Variants in SNX8 observed in about 807,000 individuals in gnomAD.
SNX8 encodes sorting nexin-8.
A neutral mutation model predicts 51.6 loss-of-function variants in SNX8; 25 were observed. That is an observed-to-expected ratio of 0.48 (90% CI 0.35 to 0.68). SNX8 has a LOEUF of 0.68. Ranked by LOEUF, SNX8 falls within the 30% of genes least tolerant of loss-of-function variation. The probability of loss-of-function intolerance (pLI) is 0.00; values close to 1 mark genes in which losing one functional copy is unlikely to be tolerated. For missense variants in SNX8, 695 were observed against 624.0 expected, an observed-to-expected ratio of 1.11 and a Z score of -1.21; for synonymous variants, 324 against 277.0, an observed-to-expected ratio of 1.17 and a Z score of -1.68.
At chr7:2,334,924 C>T (rs1027438375) in intron 1 of SNX8, among the ~76,000 whole-genome samples, 1 of 135,424 alleles carries the variant, frequency 7.4e-6, no homozygotes, top group Non-Finnish European at 1.6e-5. Context: ...TACACAGCAA[C>T]TTCATTTACA....
At chr7:2,337,926 C>T (rs1037770718) in intron 1 of SNX8, among the ~76,000 whole-genome samples, 2 of 151,002 alleles carry the variant, frequency 1.3e-5, no homozygotes, top group Non-Finnish European at 2.9e-5. Flanking sequence ...AAAATTATTC[C>T]CTTTAAAATC....
At chr7:2,342,290 C>A (rs947525054) in intron 1 of SNX8, among the ~76,000 whole-genome samples, 1 of 152,038 alleles carries the variant, frequency 6.6e-6, no homozygotes, top group African/African-American at 2.4e-5. Context: ...GTTCAACACG[C>A]AAGATGGATA....
chr7:2,288,056 G>A (rs1389663897), intron 1 of SNX8: 2 of 152,184 alleles, frequency 1.3e-5, no homozygotes, highest in African/African-American at 4.8e-5. Flanking sequence ...CAATATTCAG[G>A]TACTGGCTGG....
chr7:2,257,702 T>A, intron 8 of SNX8, 33 bp downstream of exon 8: 1 of 1,607,868 alleles, frequency 6.2e-7, no homozygotes, highest in South Asian at 1.1e-5. Flanking sequence ...TCCTGAAAGT[T>A]CTGCCCCCAG....
chr7:2,266,833 TAA>T (rs1795475335), intron 5 of SNX8, among the ~76,000 whole-genome samples: 1 of 152,108 alleles, frequency 6.6e-6, no homozygotes, highest in African/African-American at 2.4e-5. Context: ...AGAAGAGGTT[TAA>T]AAAGAAAAAA....
At chr7:2,321,645 A>C (rs547961519) in intron 1 of SNX8, among the ~76,000 whole-genome samples, 13 of 141,516 alleles carry the variant, frequency 9.2e-5, no homozygotes, top group Admixed American at 3.7e-4. Context: ...CGATCTCCTT[A>C]CCTTGTGATC....
Position 2,305,953 on chromosome 7 carries a change from G to A in SNX8, c.94+8375C>T, listed in dbSNP as rs190476568. ...ATAAAGACAGCGGCACCCTGGAAAC[G>A]CTCCTTCTGGTTGCATCCCTGACAG... On this transcript the variant is annotated intron_variant, in intron 1 of 10. Coordinates refer to ENST00000222990, the MANE Select transcript of SNX8 (RefSeq NM_013321.4). Among the ~76,000 whole-genome samples the A allele has an allele frequency of 7.9e-5, 12 of 152,136 alleles. No individual in the cohort carries two copies. In the East Asian group the frequency reaches 1.7e-3, roughly 22 times the overall value.
intron 1 of SNX8, among the ~76,000 whole-genome samples, chr7:2,340,072 T>A (rs1178302798): frequency 6.6e-6 from 1 of 152,000 alleles, no homozygotes; most frequent in Non-Finnish European, 1.5e-5. Flanking sequence ...AAACTTTTTT[T>A]TTTTTTTTGA....
Position 2,278,076 on chromosome 7 carries a change from A to T in SNX8, c.300+24T>A, listed in dbSNP as rs548127969. 10 of 1,603,774 alleles carry T rather than the reference A, an allele frequency of 6.2e-6. No homozygotes were observed. The South Asian group carries it at 1.1e-4, about 18-fold the overall frequency. On this transcript the variant is annotated intron_variant, in intron 2 of 10. Transcript: ENST00000222990. ...ACCCTTTCTTCCCCCTCCTGCCCCG[A>T]CACACACACAATTTGCCAGTTACCT...
intron 1 of SNX8, among the ~76,000 whole-genome samples, chr7:2,320,681 C>T (rs1014048770): frequency 6.6e-6 from 1 of 151,960 alleles, no homozygotes. Flanking sequence ...CCATGATTGC[C>T]CTGCTCCACT....
At chr7:2,261,069 G>GTCC (rs1172913305) in intron 7 of SNX8, among the ~76,000 whole-genome samples, 2 of 152,232 alleles carry the variant, frequency 1.3e-5, no homozygotes, top group Non-Finnish European at 2.9e-5. Flanking sequence ...AAGGTTCTGG[G>GTCC]TCCCTGTGAC....
intron 1 of SNX8, among the ~76,000 whole-genome samples, chr7:2,342,954 G>A (rs920589083): frequency 3.3e-5 from 5 of 151,716 alleles, no homozygotes; most frequent in African/African-American, 1.2e-4. Context: ...GCCCACCACC[G>A]GCTAATTTTT....
At chr7:2,290,926 A>C (rs896542116) in intron 1 of SNX8, among the ~76,000 whole-genome samples, 1 of 152,236 alleles carries the variant, frequency 6.6e-6, no homozygotes, top group Non-Finnish European at 1.5e-5. Flanking sequence ...TCGTCAGAAC[A>C]ACCAACCTAC....
intron 1 of SNX8, among the ~76,000 whole-genome samples, chr7:2,298,172 G>A (rs76172434): frequency 0.046 from 7,027 of 151,998 alleles, 348 homozygotes; most frequent in African/African-American, 0.1. Context: ...ACAGTAGTGC[G>A]ATCACAGCTC....
chr7:2,264,241 C>T, intron 6 of SNX8, 57 bp downstream of exon 6: 1 of 1,537,798 alleles, frequency 6.5e-7, no homozygotes, highest in Non-Finnish European at 8.9e-7. Flanking sequence ...AGCCCTTCAC[C>T]AGCATGGATT....
intron 1 of SNX8, among the ~76,000 whole-genome samples, chr7:2,346,522 A>T (rs578113067): frequency 1.1e-4 from 16 of 151,484 alleles, no homozygotes; most frequent in Middle Eastern, 3.4e-3. Flanking sequence ...CCGAGGTGGG[A>T]GGATCACGAG....
chr7:2,266,608 G>A (rs140307690), intron 5 of SNX8, among the ~76,000 whole-genome samples: 1 of 152,166 alleles, frequency 6.6e-6, no homozygotes, highest in African/African-American at 2.4e-5. Context: ...GCCTCCCAAA[G>A]TGCTAGGATT....
intron 1 of SNX8, among the ~76,000 whole-genome samples, chr7:2,287,217 A>C (rs985274818): frequency 1.5e-4 from 22 of 151,566 alleles, no homozygotes; most frequent in African/African-American, 4.6e-4. Flanking sequence ...TCCTGGGCTC[A>C]AGCAATCCAG....
At chr7:2,257,189 G>A (rs571960213) in intron 9 of SNX8, among the ~76,000 whole-genome samples, 166 bp from the exon 10 acceptor site, 17 of 152,284 alleles carry the variant, frequency 1.1e-4, no homozygotes, top group Admixed American at 9.8e-4. Context: ...GGAGCACCGT[G>A]CAGGGAGCCG....
Sources: allele counts gnomAD v4.1 joint callset (sites outside exome capture counted in the v4.1 genomes callset), GRCh38; gene constraint gnomAD v4.1.1; transcripts MANE v1.5; gene names NCBI Gene and HGNC (gene_info 2026-07-23, HGNC 2026-07-21).